Variants in ARID1B observed in about 807,000 individuals in gnomAD.
ARID1B encodes the protein AT-rich interactive domain-containing protein 1B.
Under a neutral mutation model 212.3 loss-of-function variants are expected in ARID1B, and 30 were observed. That is an observed-to-expected ratio of 0.14 (90% CI 0.11 to 0.19). ARID1B has a LOEUF of 0.19. Ranked by LOEUF, ARID1B falls within the 10% of genes least tolerant of loss-of-function variation. The pLI is 1.00. For missense variants in ARID1B, 2,891 were observed against 3,204.0 expected, an observed-to-expected ratio of 0.90 and a Z score of 2.36; for synonymous variants, 1,402 against 1,301.7, an observed-to-expected ratio of 1.08 and a Z score of -1.66.
intron 5 of ARID1B, among the ~76,000 whole-genome samples, chr6:157,094,000 A>G (rs1489946542): frequency 6.6e-6 from 1 of 152,238 alleles, no homozygotes; most frequent in Non-Finnish European, 1.5e-5. Flanking sequence ...CAGGAAATAC[A>G]TAAATAACTA....
intron 2 of ARID1B, among the ~76,000 whole-genome samples, chr6:156,838,732 T>TAATAATAATAATAATAAA (rs1229798384): frequency 6.7e-6 from 1 of 149,174 alleles, no homozygotes; most frequent in Admixed American, 6.7e-5. Flanking sequence ...ATAATAATAA[T>TAATAATAATAATAATAAA]AAACAAAAAA....
chr6:156,961,875 G>C (rs1465388097), intron 4 of ARID1B, among the ~76,000 whole-genome samples: 1 of 151,988 alleles, frequency 6.6e-6, no homozygotes, highest in African/African-American at 2.4e-5. Context: ...GTTGGGGTGG[G>C]GAGCAGCCTG....
chr6:156,809,713 G>GAAA (rs370188789), intron 1 of ARID1B, among the ~76,000 whole-genome samples: 2,229 of 104,378 alleles, frequency 0.021, 46 homozygotes, highest in African/African-American at 0.033. Flanking sequence ...CTTTTTCAAA[G>GAAA]AAAAAAAAAA....
intron 12 of ARID1B, among the ~76,000 whole-genome samples, chr6:157,182,922 A>G (rs1311748594): frequency 6.6e-6 from 1 of 152,176 alleles, no homozygotes; most frequent in African/African-American, 2.4e-5. Context: ...TAGAATCACC[A>G]AGACTGCTCA....
intron 7 of ARID1B, among the ~76,000 whole-genome samples, chr6:157,146,385 G>A (rs1423972810): frequency 1.3e-5 from 2 of 152,164 alleles, no homozygotes; most frequent in Non-Finnish European, 2.9e-5. Context: ...GGCAGGCAGT[G>A]CAGAGGCTCA....
At chr6:156,932,156 G>A (rs1329962665) in intron 3 of ARID1B, among the ~76,000 whole-genome samples, 3 of 128,906 alleles carry the variant, frequency 2.3e-5, no homozygotes, top group Non-Finnish European at 3.1e-5. Context: ...GGGGGGGGGC[G>A]GGGTGAAGAA....
At chr6:156,871,058 T>C (rs1005909371) in intron 2 of ARID1B, among the ~76,000 whole-genome samples, 3 of 152,190 alleles carry the variant, frequency 2.0e-5, no homozygotes, top group Non-Finnish European at 2.9e-5. Context: ...GTAAGTTCCG[T>C]AACTAGAATC....
chr6:156,812,400 C>A (rs950690587), intron 1 of ARID1B, among the ~76,000 whole-genome samples: 4 of 152,108 alleles, frequency 2.6e-5, no homozygotes, highest in Admixed American at 6.6e-5. Flanking sequence ...TCCATTTCTT[C>A]AAGAAAGAAG....
At chr6:156,814,119 T>C (rs1054317835) in intron 1 of ARID1B, among the ~76,000 whole-genome samples, 2 of 152,300 alleles carry the variant, frequency 1.3e-5, no homozygotes, top group African/African-American at 4.8e-5. Context: ...CTGAAAGGAA[T>C]GTAAAATATT....
At chr6:156,974,618 A>G (rs927609452) in intron 4 of ARID1B, among the ~76,000 whole-genome samples, 3 of 152,238 alleles carry the variant, frequency 2.0e-5, no homozygotes, top group African/African-American at 7.2e-5. Context: ...TAAAAATCCA[A>G]GTGTAGGCAT....
Position 157,039,982 on chromosome 6 carries a change from G to A in ARID1B, c.2248-44680G>A, listed in dbSNP as rs1781770788. ...TTTTTTCTTTCCAAGACGGAGTCTC[G>A]CTTTGTCGCCAGGCTAGAGTTCAGT... On this transcript the variant is annotated intron_variant, in intron 4 of 19. Transcript: ENST00000636930. Among the ~76,000 whole-genome samples, 4 of 138,724 alleles carry A rather than the reference G, an allele frequency of 2.9e-5. No individual in the cohort carries two copies. The South Asian group carries it at 9.1e-4, about 31-fold the overall frequency. The allele number at this position is 138,724 out of a possible 152,430, so 91.0% of individuals were successfully genotyped here.
In ARID1B at chr6:156,917,339, C is replaced by T. The variant is rs187712936; in HGVS notation, c.2136+15814C>T. ...AGCAAAACATAAACCATTTTATGAG[C>T]CCCTTTGGGCTTGGGACTGTTTTGC... On this transcript the variant is annotated intron_variant, in intron 3 of 19. Transcript: ENST00000636930. Among the ~76,000 whole-genome samples, 77 of 152,228 alleles carry T rather than the reference C, an allele frequency of 5.1e-4. 1 individual carries two copies. The highest frequency in any genetic ancestry group is 2.3e-3 in the Admixed American group (35 of 15,288).
At chr6:157,158,948 T>C (rs1470941582) in intron 8 of ARID1B, among the ~76,000 whole-genome samples, 1 of 152,250 alleles carries the variant, frequency 6.6e-6, no homozygotes, top group Non-Finnish European at 1.5e-5. Flanking sequence ...TGTATGGATC[T>C]AGCTTCACCA....
At chr6:157,064,907 G>T (rs1036838947) in intron 4 of ARID1B, among the ~76,000 whole-genome samples, 2 of 152,142 alleles carry the variant, frequency 1.3e-5, no homozygotes, top group Non-Finnish European at 2.9e-5. Context: ...AGTAGAGGAA[G>T]TTACTGTCTT....
chr6:157,100,512 G>A (rs1785985559), intron 5 of ARID1B, among the ~76,000 whole-genome samples: 1 of 152,200 alleles, frequency 6.6e-6, no homozygotes, highest in Admixed American at 6.5e-5. Context: ...CTTGAAGCAA[G>A]TGAAATAGAA....
intron 2 of ARID1B, among the ~76,000 whole-genome samples, chr6:156,894,998 C>T (rs1388130183): frequency 6.6e-6 from 1 of 152,176 alleles, no homozygotes; most frequent in Non-Finnish European, 1.5e-5. Flanking sequence ...TAGCAAGGGC[C>T]TGTCCTGTGC....
At chr6:157,120,197 G>A (rs141092953) in intron 6 of ARID1B, among the ~76,000 whole-genome samples, 73 of 152,318 alleles carry the variant, frequency 4.8e-4, no homozygotes, top group African/African-American at 1.7e-3. Flanking sequence ...TAAAGGATTT[G>A]TGTAAGGAAT....
chr6:156,905,250 G>GCACACACACACGCACACA (rs1789275536), intron 3 of ARID1B, among the ~76,000 whole-genome samples: 1 of 143,730 alleles, frequency 7.0e-6, no homozygotes, highest in South Asian at 2.3e-4. Context: ...ACATATGCAC[G>GCACACACACACGCACACA]CACACACACA....
rs763559359 is a variant in ARID1B, at chr6:156,779,386, C to A, written c.1706C>A (p.Ala569Asp). The part of the protein sequence containing the change: ...GKDMGAQYAA[A>D]SPAWAAAQQR... ...GACATGGGCGCCCAGTACGCCGCTG[C>A]CAGCCCGGCCTGGGCGGCCGCGCAA... The change falls in exon 1 of 20, where the codon GCC becomes GAC. Residue 569 changes from alanine (A) to aspartate (D), a missense_variant. Coordinates refer to ENST00000636930, the MANE Select transcript of ARID1B (RefSeq NM_001374828.1). 4 of 1,405,010 alleles carry A rather than the reference C, an allele frequency of 2.8e-6. No homozygotes were observed. The South Asian group carries it at 5.5e-5, about 19-fold the overall frequency. 87.0% of individuals were successfully genotyped at this position (1,405,010 alleles called of 1,614,324 possible). A position where few individuals can be genotyped will look rare whatever the true frequency, so the allele number is the denominator to read the frequency against.
Sources: gnomAD v4.1 joint callset for allele counts (sites outside exome capture counted in the v4.1 genomes callset) on GRCh38, gnomAD v4.1.1 for gene constraint, MANE v1.5 for transcripts, NCBI Gene and HGNC (gene_info 2026-07-23, HGNC 2026-07-21) for gene names.